The following TCF3 variants were observed in gnomAD, a reference collection of about 807,000 sequenced individuals.
The protein encoded by TCF3 is transcription factor E2-alpha.
A neutral mutation model predicts 72.3 loss-of-function variants in TCF3; 54 were observed. The ratio of observed to expected loss-of-function variants is 0.75; its 90% CI spans 0.60 to 0.94. The LOEUF is 0.94. Among genes scored for constraint, TCF3 ranks in the 40% least tolerant of loss-of-function variants. TCF3 has a pLI of 0.00. For synonymous variants in TCF3, 525 were observed against 412.6 expected, an observed-to-expected ratio of 1.27 and a Z score of -3.30; for missense variants, 1,078 against 934.4, an observed-to-expected ratio of 1.15 and a Z score of -2.00.
Position 1,619,112 on chromosome 19 carries a change from A to G in TCF3, c.1449T>C (p.Ser483=). Reference sequence around the variant, plus strand: ...ACAGTCCCAAGCTCAAGGGCTTACCACTGTAGGAGTCGGGAGGCCGAGACA... The same window carrying G: ...ACAGTCCCAAGCTCAAGGGCTTACCGCTGTAGGAGTCGGGAGGCCGAGACA... ...PDLSRPPDSY[S]GLGRAGATAA... is the part of the protein sequence containing the mutation. The change falls in exon 16 of 19, where the codon AGT becomes AGC. Residue 483 remains serine, a splice_region_variant and synonymous_variant. Transcript: ENST00000262965. 2 of 1,599,228 alleles carry G rather than the reference A, an allele frequency of 1.3e-6. No individual in the cohort carries two copies. The highest frequency in any genetic ancestry group is 1.7e-6 in the Non-Finnish European group (2 of 1,179,638).
intron 16 of TCF3, among the ~76,000 whole-genome samples, 166 bp downstream of exon 16, chr19:1,618,945 G>A (rs1019359850): frequency 5.9e-5 from 9 of 152,214 alleles, no homozygotes; most frequent in African/African-American, 1.9e-4. Context: ...CGCCGGCCCC[G>A]CCGGTCTTAC....
chr19:1,617,093 C>T (rs2061625299), intron 16 of TCF3, among the ~76,000 whole-genome samples: 2 of 152,224 alleles, frequency 1.3e-5, no homozygotes, highest in African/African-American at 4.8e-5. Flanking sequence ...TTTGCGCTAC[C>T]CTTTCATACC....
chr19:1,618,293 C>T (rs973231938), intron 16 of TCF3, among the ~76,000 whole-genome samples: 7 of 152,114 alleles, frequency 4.6e-5, no homozygotes, highest in Non-Finnish European at 1.5e-5. Flanking sequence ...CACTGCTCAC[C>T]CCTCCAAGGC....
chr19:1,645,470 G>A (rs11879971), intron 3 of TCF3, among the ~76,000 whole-genome samples: 30,801 of 151,906 alleles, frequency 0.2, 3,278 homozygotes, highest in East Asian at 0.27. Flanking sequence ...CGAACACAGC[G>A]CCCCTAGCCC....
chr19:1,633,107 G>A (rs919854822), intron 3 of TCF3, among the ~76,000 whole-genome samples: 1 of 151,806 alleles, frequency 6.6e-6, no homozygotes, highest in Non-Finnish European at 1.5e-5. Context: ...GGCGGGCGGG[G>A]CCCTTATCTC....
At chr19:1,645,083 C>A (rs1476982080) in intron 3 of TCF3, among the ~76,000 whole-genome samples, 1 of 152,014 alleles carries the variant, frequency 6.6e-6, no homozygotes, top group Non-Finnish European at 1.5e-5. Context: ...GCAGTGGGGG[C>A]AGCAAAGCGA....
At chr19:1,632,236 G>C (rs911632620) in intron 4 of TCF3, 96 bp downstream of exon 4, 124 of 1,543,514 alleles carry the variant, frequency 8.0e-5, no homozygotes, top group Non-Finnish European at 5.1e-5. Flanking sequence ...CCCCTGGAAG[G>C]CTGGCCCCTT....
chr19:1,628,972 G>A, intron 5 of TCF3, among the ~76,000 whole-genome samples: 1 of 64,238 alleles, frequency 1.6e-5, no homozygotes, highest in Non-Finnish European at 2.9e-5. Context: ...AGAGCTCACA[G>A]GGGGTGAGGC....
intron 3 of TCF3, 64 bp from the exon 4 acceptor site, chr19:1,632,469 T>C (rs2063827854): frequency 1.3e-6 from 2 of 1,513,412 alleles, no homozygotes; most frequent in Non-Finnish European, 1.8e-6. Context: ...AAAGCTTCGG[T>C]TCATCATCTC....
chr19:1,610,735 C>G lies in TCF3; in HGVS notation c.*972G>C, dbSNP rs192319002. 4.3e-6 allele frequency: 1 copy of G among 231,598 alleles called. No individual in the cohort carries two copies. Among genetic ancestry groups the G allele is most frequent in the South Asian group, 1.8e-4 (1 of 5,508 alleles). 14.3% of individuals were successfully genotyped at this position (231,598 alleles called of 1,614,324 possible). A position where few individuals can be genotyped will look rare whatever the true frequency, so the allele number is the denominator to read the frequency against. ...GGGAGGGTCAGAGCCACCTTGCTGA[C>G]GTCCCTTCCCCCAAGCCCAGGTCAG... On this transcript the variant is annotated 3_prime_UTR_variant, in exon 19 of 19. Coordinates refer to ENST00000262965, the MANE Select transcript of TCF3 (RefSeq NM_003200.5).
At position 1,615,801 on chromosome 19, in the gene TCF3, T is replaced by G. The variant is rs1168667266; in HGVS notation, c.1471A>C (p.Thr491Pro). 1 of 1,572,594 alleles carries G rather than the reference T, an allele frequency of 6.4e-7. No individual in the cohort carries two copies. The highest frequency in any genetic ancestry group is 1.2e-5 in the South Asian group (1 of 83,762). ...CGCTTGATCTCGCTGGCGGCCGCCG[T>G]GGCACCTGCTCGCCCTAGCCCTGCA... is the stretch of plus-strand genomic sequence containing the variant. The part of the protein sequence containing the change: ...SYSGLGRAGA[T>P]AAASEIKREE... The change falls in exon 17 of 19, where the codon ACG becomes CCG. Residue 491 changes from threonine to proline, a missense_variant. Coordinates refer to ENST00000262965, the MANE Select transcript of TCF3 (RefSeq NM_003200.5). The surrounding 1 kb of genome is among the most constrained non-coding windows in gnomAD (Gnocchi z 7.3).
At chr19:1,651,697 C>A (rs1395831443) in intron 1 of TCF3, among the ~76,000 whole-genome samples, 2 of 151,912 alleles carry the variant, frequency 1.3e-5, no homozygotes, top group African/African-American at 2.4e-5. Flanking sequence ...GGACCCCCCT[C>A]CCCCCGCAGC....
chr19:1,623,396 T>C (rs1368402956), intron 8 of TCF3, among the ~76,000 whole-genome samples: 6 of 150,416 alleles, frequency 4.0e-5, no homozygotes, highest in Admixed American at 6.6e-5. Context: ...TTTTTTTTTT[T>C]TTTTTGAGAC....
At chr19:1,627,174 A>C (rs1599709586) in intron 6 of TCF3, among the ~76,000 whole-genome samples, 185 bp downstream of exon 6, 1 of 151,804 alleles carries the variant, frequency 6.6e-6, no homozygotes. Context: ...CCTGGTCCTC[A>C]CCTACCTCCC....
chr19:1,633,553 G>A (rs2063989459), intron 3 of TCF3, among the ~76,000 whole-genome samples: 1 of 152,162 alleles, frequency 6.6e-6, no homozygotes, highest in Admixed American at 6.5e-5. Context: ...TTCCCCCCGG[G>A]GAGTATTGGT....
intron 5 of TCF3, among the ~76,000 whole-genome samples, chr19:1,630,908 C>T (rs913608122): frequency 1.3e-5 from 2 of 152,218 alleles, no homozygotes; most frequent in Non-Finnish European, 2.9e-5. Context: ...TCCTGTGTCA[C>T]CCGCAGGAGG....
At position 1,611,863 on chromosome 19, in the gene TCF3, G is replaced by C. The variant is rs886251318; in HGVS notation, c.1823-14C>G. The stretch of plus-strand genomic sequence containing the variant: ...TCAGGTTCCGCTCTGGAGGGAGGGG[G>C]GAGAGCTCTGTGGGAGACGGTCCCA... On this transcript the variant is annotated splice_polypyrimidine_tract_variant and intron_variant, in intron 18 of 18. Transcript: ENST00000262965. 6.3e-7 allele frequency: 1 copy of C among 1,598,908 alleles called. No homozygotes were observed. The highest frequency in any genetic ancestry group is 1.7e-5 in the Admixed American group (1 of 59,158).
Position 1,611,710 on chromosome 19 carries a change from C to A in TCF3, c.1962G>T (p.Met654Ile), listed in dbSNP as rs201935069. 2.5e-6 allele frequency: 4 copies of A among 1,612,828 alleles called. No individual in the cohort carries two copies. In the East Asian group the frequency reaches 8.9e-5, roughly 36 times the overall value. The change falls in exon 19 of 19, where the codon ATG becomes ATT. Residue 654 changes from methionine to isoleucine, a missense_variant. By Grantham distance (10) the Met-to-Ile change is conservative. Transcript: ENST00000262965. ...LSEAHNPAGHM is the reference protein window; with the variant it reads ...LSEAHNPAGHI Reference sequence around the variant, plus strand: ...TCGTCCCACGGAGGCATACCTTTCACATGTGCCCGGCGGGGTTGTGGGCTT... The same window carrying A: ...TCGTCCCACGGAGGCATACCTTTCAAATGTGCCCGGCGGGGTTGTGGGCTT...
intron 3 of TCF3, among the ~76,000 whole-genome samples, chr19:1,643,659 G>A (rs1600082608): frequency 6.6e-6 from 1 of 152,232 alleles, no homozygotes; most frequent in Non-Finnish European, 1.5e-5. Flanking sequence ...GGGATTAAAG[G>A]TGTGAGCCAC....
Sources: gnomAD v4.1 joint callset for allele counts (sites outside exome capture counted in the v4.1 genomes callset) on GRCh38, gnomAD v4.1.1 for gene constraint, Gnocchi (gnomAD v3.1) non-coding constraint, MANE v1.5 for transcripts, NCBI Gene and HGNC (gene_info 2026-07-23, HGNC 2026-07-21) for gene names.